UTRN: variants seen among roughly 807,000 people sequenced by gnomAD.
The protein encoded by UTRN is dystrophin-related protein 1.
UTRN carries 283 observed loss-of-function variants against 463.9 expected under a neutral mutation model. That is an observed-to-expected ratio of 0.61 (90% CI 0.55 to 0.67). The LOEUF (loss-of-function observed/expected upper bound fraction) is 0.67. Among genes scored for constraint, UTRN ranks in the 30% least tolerant of loss-of-function variants. The pLI is 0.00. For synonymous variants in UTRN, 1,442 were observed against 1,431.5 expected (o/e 1.01, Z -0.17); for missense variants, 3,922 against 4,084.3 (o/e 0.96, Z 1.08).
intron 11 of UTRN, 38 bp downstream of exon 11, chr6:144,437,784 G>C (rs1157166026): frequency 7.6e-6 from 12 of 1,586,742 alleles, no homozygotes; most frequent in Non-Finnish European, 1.0e-5. Context: ...AATTCCACAG[G>C]CTGCTTTGCA....
chr6:144,706,003 G>T (rs9399493), intron 53 of UTRN, among the ~76,000 whole-genome samples: 15,020 of 151,854 alleles, frequency 0.099, 1,282 homozygotes, highest in East Asian at 0.48. Flanking sequence ...GTACCTACCC[G>T]TAATTATTTA....
chr6:144,493,312 A>G lies in UTRN; in HGVS notation c.4449A>G (p.Lys1483=). ...THLDKCMKLY[K]TLSEVKLEVE... is the part of the protein sequence containing the mutation. The stretch of plus-strand genomic sequence containing the variant: ...TGTTTGTTTTAAAGAAACTGTATAA[A>G]ACTTTGAGTGAAGTCAAACTTGAAG... The change falls in exon 33 of 75, where the codon AAA becomes AAG. Residue 1483 remains lysine (K), a synonymous_variant. Coordinates refer to ENST00000367545, the MANE Select transcript of UTRN (RefSeq NM_007124.3). 6.2e-7 allele frequency: 1 copy of G among 1,614,112 alleles called. No individual in the cohort carries two copies. Among genetic ancestry groups the G allele is most frequent in the African/African-American group, 1.3e-5 (1 of 75,046 alleles).
In UTRN at chr6:144,496,933, T is replaced by C. The variant is rs552062705; in HGVS notation, c.4594-2324T>C. Among the ~76,000 whole-genome samples the C allele has an allele frequency of 3.3e-5, 5 of 152,284 alleles. No individual in the cohort carries two copies. The East Asian group carries it at 9.7e-4, about 29-fold the overall frequency. ...ATAAAAGCTCTAAGGCAGGAGGCAG[T>C]GTGGTACATTTATGTGGCTAGAGCA... On this transcript the variant is annotated intron_variant, in intron 33 of 74. Transcript: ENST00000367545.
intron 9 of UTRN, among the ~76,000 whole-genome samples, chr6:144,433,968 G>A (rs1786248011): frequency 1.3e-5 from 2 of 152,368 alleles, no homozygotes; most frequent in South Asian, 4.1e-4. Flanking sequence ...TGCAGTCTCG[G>A]CACTTTGGGA....
At chr6:144,659,819 T>C (rs1057416409) in intron 51 of UTRN, 14 of 152,636 alleles carry the variant, frequency 9.2e-5, no homozygotes, top group African/African-American at 3.4e-4. Flanking sequence ...ATAGCTTCTT[T>C]TTTTGCTGTA....
rs1326283554 is a variant in UTRN, at chr6:144,851,696, C to T, written c.*699C>T. On this transcript the variant is annotated 3_prime_UTR_variant, in exon 75 of 75. Coordinates refer to ENST00000367545, the MANE Select transcript of UTRN (RefSeq NM_007124.3). ...CTTCTTTGCTGACCACTTGGATAAC[C>T]GTAATAAAAATCCTATAAGCCTAAA... is the stretch of plus-strand genomic sequence containing the variant. The T allele has an allele frequency of 1.3e-5, 2 of 152,062 alleles. No individual in the cohort carries two copies. Among genetic ancestry groups the T allele is most frequent in the African/African-American group, 2.4e-5 (1 of 41,406 alleles). The allele number at this position is 152,062 out of a possible 1,614,324, so 9.4% of individuals were successfully genotyped here.
chr6:144,760,419 TTAAAATA>T (rs1179018782), intron 58 of UTRN, among the ~76,000 whole-genome samples: 1 of 152,206 alleles, frequency 6.6e-6, no homozygotes, highest in Non-Finnish European at 1.5e-5. Context: ...ATCAGATTGT[TTAAAATA>T]TATGTAGTTT....
chr6:144,714,958 T>A (rs1377332628), intron 53 of UTRN, among the ~76,000 whole-genome samples: 1 of 151,414 alleles, frequency 6.6e-6, no homozygotes, highest in Admixed American at 6.6e-5. Context: ...TTTCCCTTCC[T>A]GGTTCTTCCT....
At position 144,839,253 on chromosome 6, in the gene UTRN, A is replaced by G. The variant is rs201630923; in HGVS notation, c.10146A>G (p.Pro3382=). 21 of 1,613,844 alleles carry G rather than the reference A, an allele frequency of 1.3e-5. No individual in the cohort carries two copies. In the African/African-American group the frequency reaches 1.3e-4, roughly 10 times the overall value. Residue 3382 remains proline, a synonymous_variant, in exon 72 of 75, where the codon CCA becomes CCG. Transcript: ENST00000367545. Reference sequence around the variant, plus strand: ...CTGCACTGAGCTACTCGCTTGATCCAGATGCCTCCGGCCCACAGTTCCACC... The same window carrying G: ...CTGCACTGAGCTACTCGCTTGATCCGGATGCCTCCGGCCCACAGTTCCACC... ...QHSALSYSLD[P]DASGPQFHQA...
At chr6:144,375,451 T>G (rs1165644107) in intron 2 of UTRN, among the ~76,000 whole-genome samples, 1 of 152,230 alleles carries the variant, frequency 6.6e-6, no homozygotes, top group Non-Finnish European at 1.5e-5. Context: ...ACCTTTCATT[T>G]CTGGATTTCT....
In UTRN at chr6:144,344,423, CG is replaced by C. The variant is rs1409496077; in HGVS notation, c.79+52519del. On this transcript the variant is annotated intron_variant, in intron 2 of 74. Transcript: ENST00000367545. ...ACAAAGCTTAGGACCAGGCTGGTGA[CG>C]GGAACAGACAGCCTGTCTTTCCTGC... 1.2e-5 allele frequency: 14 copies of C among 1,143,346 alleles called. 2 individuals carry two copies. In the Admixed American group the frequency reaches 3.8e-4, roughly 31 times the overall value. 70.8% of individuals were successfully genotyped at this position (1,143,346 alleles called of 1,614,324 possible).
intron 2 of UTRN, among the ~76,000 whole-genome samples, chr6:144,358,917 A>G (rs1050789893): frequency 6.6e-6 from 1 of 152,196 alleles, no homozygotes; most frequent in African/African-American, 2.4e-5. Context: ...AATAATTGGA[A>G]TTATGTAATA....
In UTRN at chr6:144,748,490, G is replaced by A; in HGVS notation, c.8184G>A (p.Leu2728=). 6.2e-7 allele frequency: 1 copy of A among 1,613,344 alleles called. No homozygotes were observed. ...TGGGAGACTTACTCATTGACTCGCT[G>A]CAGGATCACATTGAAAAAATCATGG... ...KPVGDLLIDS[L]QDHIEKIMAF... is the part of the protein sequence containing the mutation. Residue 2728 remains leucine, a synonymous_variant, in exon 55 of 75, where the codon CTG becomes CTA. Transcript: ENST00000367545.
chr6:144,792,948 T>C (rs2128743724), intron 62 of UTRN, among the ~76,000 whole-genome samples: 1 of 152,148 alleles, frequency 6.6e-6, no homozygotes, highest in East Asian at 1.9e-4. Context: ...AAATCAGTTT[T>C]TTAATGAATG....
chr6:144,633,261 G>C (rs1467920210), intron 51 of UTRN, among the ~76,000 whole-genome samples: 1 of 117,662 alleles, frequency 8.5e-6, no homozygotes, highest in Non-Finnish European at 1.6e-5. Context: ...ACGGAGTCTT[G>C]CTCTGTCACC....
chr6:144,349,904 A>G (rs1236713408), intron 2 of UTRN, among the ~76,000 whole-genome samples: 1 of 152,202 alleles, frequency 6.6e-6, no homozygotes, highest in Non-Finnish European at 1.5e-5. Context: ...CTCCTGCTCC[A>G]GTATTTTGAC....
rs1424095890 is a variant in UTRN at position 144,852,589 on chromosome 6, C to G, written c.*1592C>G. 6.6e-6 allele frequency: 1 copy of G among 152,534 alleles called. No individual in the cohort carries two copies. The highest frequency in any genetic ancestry group is 1.5e-5 in the Non-Finnish European group (1 of 68,014). 9.4% of individuals were successfully genotyped at this position (152,534 alleles called of 1,614,324 possible). ...TTTTATATAAAAAGGAAAGCCATGA[C>G]CACCTTTCTACCTCAGATCCATCTT... On this transcript the variant is annotated 3_prime_UTR_variant, in exon 75 of 75. Transcript: ENST00000367545.
intron 43 of UTRN, among the ~76,000 whole-genome samples, chr6:144,533,654 G>T (rs923464034): frequency 5.3e-5 from 8 of 151,856 alleles, no homozygotes; most frequent in Non-Finnish European, 1.0e-4. Flanking sequence ...GTCTCACTAA[G>T]TTATTTTGGT....
intron 51 of UTRN, among the ~76,000 whole-genome samples, chr6:144,638,738 T>C (rs939109151): frequency 3.3e-5 from 5 of 152,186 alleles, no homozygotes; most frequent in Admixed American, 6.5e-5. Flanking sequence ...ACACATACTT[T>C]ATGTGTATTT....
Sources: allele counts gnomAD v4.1 joint callset (sites outside exome capture counted in the v4.1 genomes callset), GRCh38; gene constraint gnomAD v4.1.1; transcripts MANE v1.5; gene names NCBI Gene and HGNC (gene_info 2026-07-23, HGNC 2026-07-21).